The following TRAP1 variants were observed in gnomAD, a reference collection of about 807,000 sequenced individuals.
TRAP1 encodes the protein heat shock protein 75 kDa, mitochondrial.
In TRAP1, 102 loss-of-function variants were observed where a neutral mutation model predicts 89.1. The ratio of observed to expected loss-of-function variants is 1.15; its 90% CI spans 0.98 to 1.35. TRAP1 has a LOEUF of 1.35. Ranked by LOEUF, TRAP1 falls within the 40% of genes most tolerant of loss-of-function variation. TRAP1 has a pLI of 0.00. For synonymous variants in TRAP1, 508 were observed against 388.0 expected (o/e 1.31, Z -3.64); for missense variants, 1,256 against 945.3 (o/e 1.33, Z -4.31).
At chr16:3,659,759 A>C (rs2042958967) in intron 16 of TRAP1, 1 of 143,288 alleles carries the variant, frequency 7.0e-6, no homozygotes, top group South Asian at 2.1e-4. Flanking sequence ...TTAGATAGAT[A>C]GATAGATAGA....
chr16:3,686,568 C>G (rs2051141173), intron 3 of TRAP1, among the ~76,000 whole-genome samples: 1 of 152,180 alleles, frequency 6.6e-6, no homozygotes, highest in Admixed American at 6.5e-5. Context: ...CGTTGTGCCT[C>G]CGCCTCCCAA....
intron 1 of TRAP1, among the ~76,000 whole-genome samples, chr16:3,708,454 T>C (rs1353550162): frequency 2.6e-5 from 4 of 151,910 alleles, no homozygotes; most frequent in African/African-American, 7.3e-5. Context: ...CTGATCAACA[T>C]GGTGAAATTC....
At chr16:3,711,397 A>T (rs1232849622) in intron 1 of TRAP1, among the ~76,000 whole-genome samples, 1 of 151,932 alleles carries the variant, frequency 6.6e-6, no homozygotes, top group African/African-American at 2.4e-5. Context: ...TCAGAAGTTC[A>T]AGACCAGCCT....
At chr16:3,659,014 T>C (rs2042904162) in intron 16 of TRAP1, 149 bp from the exon 17 acceptor site, 1 of 750,788 alleles carries the variant, frequency 1.3e-6, no homozygotes, top group East Asian at 2.8e-5. Context: ...CATTTATAGA[T>C]AATATCATTA....
intron 1 of TRAP1, among the ~76,000 whole-genome samples, chr16:3,713,132 T>C (rs1197825990): frequency 6.6e-6 from 1 of 152,112 alleles, no homozygotes; most frequent in African/African-American, 2.4e-5. Context: ...GAGTCGCAAC[T>C]GACCAGCAAG....
intron 14 of TRAP1, 169 bp downstream of exon 14, chr16:3,663,255 C>G (rs998051646): frequency 2.3e-6 from 2 of 869,970 alleles, no homozygotes; most frequent in Non-Finnish European, 3.4e-6. Context: ...GATATCTAAA[C>G]CAGGAGGCAC....
At chr16:3,661,909 C>T (rs2151238295) in intron 16 of TRAP1, 78 bp downstream of exon 16, 2 of 1,485,740 alleles carry the variant, frequency 1.3e-6, no homozygotes, top group Non-Finnish European at 1.8e-6. Context: ...TTCTGTGTCA[C>T]ATTCCACAAC....
At chr16:3,717,381 C>T in intron 1 of TRAP1, 40 bp downstream of exon 1, 1 of 888,726 alleles carries the variant, frequency 1.1e-6, no homozygotes, top group Non-Finnish European at 1.5e-6. Flanking sequence ...GTCTCCGTGG[C>T]CCGGCCCGCC....
chr16:3,669,652 G>C (rs938290364), intron 11 of TRAP1, among the ~76,000 whole-genome samples: 2 of 151,760 alleles, frequency 1.3e-5, no homozygotes, highest in African/African-American at 4.8e-5. Context: ...GGCTAACACA[G>C]TGAAACCCTG....
intron 1 of TRAP1, among the ~76,000 whole-genome samples, chr16:3,714,747 G>A (rs758475211): frequency 2.0e-5 from 3 of 152,188 alleles, no homozygotes; most frequent in East Asian, 3.9e-4. Flanking sequence ...AGAGGGCTGA[G>A]CTCATGGGTG....
At chr16:3,688,674 G>C (rs2051170815) in intron 3 of TRAP1, among the ~76,000 whole-genome samples, 1 of 152,088 alleles carries the variant, frequency 6.6e-6, no homozygotes, top group Non-Finnish European at 1.5e-5. Context: ...TGTAGAGACG[G>C]AGTCTTGCTG....
chr16:3,686,599 G>A (rs577262678), intron 3 of TRAP1, among the ~76,000 whole-genome samples: 2 of 152,314 alleles, frequency 1.3e-5, no homozygotes, highest in South Asian at 2.1e-4. Context: ...TTACAGACGT[G>A]AGCCACGGTG....
At chr16:3,661,613 G>A (rs939590615) in intron 16 of TRAP1, 3 of 206,784 alleles carry the variant, frequency 1.5e-5, no homozygotes, top group Non-Finnish European at 2.9e-5. Flanking sequence ...CAGCCCCTCT[G>A]CATGGGCAAC....
chr16:3,661,720 A>G, intron 16 of TRAP1: 1 of 388,828 alleles, frequency 2.6e-6, no homozygotes. Context: ...GGACACGCAC[A>G]GGTGGCAAAG....
At chr16:3,710,301 A>C (rs1430632858) in intron 1 of TRAP1, 3 of 152,350 alleles carry the variant, frequency 2.0e-5, no homozygotes, top group South Asian at 4.1e-4. Context: ...CCACATCTGC[A>C]AACTAGGAAA....
In TRAP1 at chr16:3,664,195, A is replaced by G. The variant is rs528164308; in HGVS notation, c.1569+79T>C. On this transcript the variant is annotated intron_variant, in intron 13 of 17. Transcript: ENST00000246957. ...CCTGCCCGGAGTCTTGGGCAGGTTC[A>G]CCCAGCACAGAGCTGAGAAGGTCAA... The G allele has an allele frequency of 1.8e-3, 2,496 of 1,413,752 alleles. 3 individuals carry two copies. The highest frequency in any genetic ancestry group is 2.6e-3 in the Admixed American group (93 of 35,224). The allele number at this position is 1,413,752 out of a possible 1,614,324, so 87.6% of individuals were successfully genotyped here.
At chr16:3,692,277 C>G (rs566990663) in intron 1 of TRAP1, among the ~76,000 whole-genome samples, 1 of 152,168 alleles carries the variant, frequency 6.6e-6, no homozygotes, top group South Asian at 2.1e-4. Flanking sequence ...GGCTCACGCC[C>G]GTAAACCCAG....
rs183677967 is a variant in TRAP1 at position 3,658,104 on chromosome 16, G to T, written c.*25C>A. The T allele has an allele frequency of 1.2e-6, 2 of 1,612,366 alleles. No homozygotes were observed. The highest frequency in any genetic ancestry group is 1.7e-5 in the Admixed American group (1 of 59,972). ...AGGAGGTGGGGCTGTCATCTGTGGT[G>T]TCAGTCCTTCTGGCCCCCTGGCTGT... On this transcript the variant is annotated 3_prime_UTR_variant, in exon 18 of 18. Transcript: ENST00000246957.
At chr16:3,672,566 C>T (rs1219380584) in intron 10 of TRAP1, 134 bp downstream of exon 10, 3 of 1,383,270 alleles carry the variant, frequency 2.2e-6, no homozygotes, top group Non-Finnish European at 2.9e-6. Context: ...GCGACTGACA[C>T]ACAGGCAGCG....
Sources: gnomAD v4.1 joint callset for allele counts (sites outside exome capture counted in the v4.1 genomes callset) on GRCh38, gnomAD v4.1.1 for gene constraint, MANE v1.5 for transcripts, NCBI Gene and HGNC (gene_info 2026-07-23, HGNC 2026-07-21) for gene names.